Variants in ARHGEF11 observed in about 807,000 individuals in gnomAD.
ARHGEF11 encodes Rho guanine nucleotide exchange factor 11.
In ARHGEF11, 55 loss-of-function variants were observed where a neutral mutation model predicts 193.7. That is an observed-to-expected ratio of 0.28 (90% CI 0.23 to 0.36). ARHGEF11 has a LOEUF of 0.36. Among genes scored for constraint, ARHGEF11 ranks in the 10% least tolerant of loss-of-function variants. ARHGEF11 has a pLI of 1.00. For missense variants in ARHGEF11, 1,723 were observed against 2,005.6 expected, an observed-to-expected ratio of 0.86 and a Z score of 2.69; for synonymous variants, 693 against 768.0, an observed-to-expected ratio of 0.90 and a Z score of 1.62.
rs759037313 is a variant in ARHGEF11 at position 157,044,350 on chromosome 1, G to A, written c.-20C>T. On this transcript the variant is annotated 5_prime_UTR_variant, in exon 1 of 41. Transcript: ENST00000368194. ...ACTCATGGTTTCTCGGTGTCTCCACGGTTCCAGAATCCTGTAGCTTTGGTG... is the reference window on the plus strand; with the variant it reads ...ACTCATGGTTTCTCGGTGTCTCCACAGTTCCAGAATCCTGTAGCTTTGGTG... The A allele has an allele frequency of 3.1e-6, 5 of 1,612,574 alleles. No homozygotes were observed. In the Admixed American group the frequency reaches 5.0e-5, roughly 16 times the overall value.
rs768344920 is a variant in ARHGEF11 at position 156,940,437 on chromosome 1, G to A, written c.3515-12C>T. On this transcript the variant is annotated splice_polypyrimidine_tract_variant and intron_variant, in intron 35 of 40. Transcript: ENST00000368194. Reference sequence around the variant, plus strand: ...CTGGGACCCAGTGCCTGTTTCGGATGAGAGAAGATTGTAAGGCAGGGAAAG... The same window carrying A: ...CTGGGACCCAGTGCCTGTTTCGGATAAGAGAAGATTGTAAGGCAGGGAAAG... The A allele has an allele frequency of 1.3e-6, 2 of 1,591,126 alleles. No homozygotes were observed. Among genetic ancestry groups the A allele is most frequent in the South Asian group, 1.1e-5 (1 of 88,400 alleles).
chr1:156,963,700 C>T (rs1661306025), intron 11 of ARHGEF11, 106 bp from the exon 12 acceptor site: 5 of 1,515,748 alleles, frequency 3.3e-6, no homozygotes, highest in African/African-American at 1.4e-5. Context: ...ACAAAGCCAC[C>T]CGGGTCTGGT....
At chr1:156,947,091 G>C (rs1056405183) in intron 26 of ARHGEF11, 76 bp from the exon 27 acceptor site, 2 of 1,558,426 alleles carry the variant, frequency 1.3e-6, no homozygotes, top group Non-Finnish European at 8.8e-7. Context: ...AGAGAGAAGT[G>C]AATCTCTGAC....
At chr1:156,955,026 G>T in intron 20 of ARHGEF11, 105 bp from the exon 21 acceptor site, 1 of 994,362 alleles carries the variant, frequency 1.0e-6, no homozygotes. Flanking sequence ...AAAGGTAGTG[G>T]CGAAAATCAA....
chr1:157,024,589 G>C (rs1315018857), intron 1 of ARHGEF11, among the ~76,000 whole-genome samples: 1 of 152,156 alleles, frequency 6.6e-6, no homozygotes, highest in Non-Finnish European at 1.5e-5. Context: ...AAACTTGTCT[G>C]CAGGTATAGG....
At chr1:156,973,500 T>G (rs1348774999) in intron 7 of ARHGEF11, among the ~76,000 whole-genome samples, 1 of 152,234 alleles carries the variant, frequency 6.6e-6, no homozygotes, top group African/African-American at 2.4e-5. Context: ...CAGTTTCAAC[T>G]ATCACCTTCA....
chr1:156,940,765 A>C (rs1044249599), intron 35 of ARHGEF11, among the ~76,000 whole-genome samples: 7 of 152,210 alleles, frequency 4.6e-5, no homozygotes, highest in Non-Finnish European at 1.0e-4. Flanking sequence ...TGCTGGCTAC[A>C]GTATTAAACA....
intron 21 of ARHGEF11, among the ~76,000 whole-genome samples, chr1:156,953,686 C>A (rs35535296): frequency 0.21 from 31,806 of 151,942 alleles, 3,541 homozygotes; most frequent in East Asian, 0.4. Flanking sequence ...CTCTCTCTCT[C>A]TCTCTATATA....
At position 156,944,073 on chromosome 1, in the gene ARHGEF11, G is replaced by C; in HGVS notation, c.3097C>G (p.Leu1033Val). ...TCATCCTGTTTCTGTAGCAGCACTA[G>C]GAGGTCCTCCAGCAGCAGCACGTGG... ...DLHVLLLEDL[L>V]VLLQKQDEKL... The change falls in exon 32 of 41, where the codon CTA (leucine) becomes GTA (valine). Residue 1033 changes from leucine (L) to valine (V), a missense_variant. Around this residue, in one of 5 missense-constraint regions of ARHGEF11, gnomAD observed 491 missense variants for 654.5 expected, o/e 0.75. Transcript: ENST00000368194. 1 of 1,614,090 alleles carries C rather than the reference G, an allele frequency of 6.2e-7. No individual in the cohort carries two copies. The highest frequency in any genetic ancestry group is 8.5e-7 in the Non-Finnish European group (1 of 1,179,976).
chr1:156,968,754 T>C (rs1018903205), intron 10 of ARHGEF11, among the ~76,000 whole-genome samples: 3 of 152,240 alleles, frequency 2.0e-5, no homozygotes, highest in African/African-American at 4.8e-5. Context: ...GTTCATAGTT[T>C]ACATGTGCAA....
chr1:156,984,276 T>C (rs1664613800), intron 3 of ARHGEF11, 63 bp downstream of exon 3: 2 of 1,314,488 alleles, frequency 1.5e-6, no homozygotes, highest in Non-Finnish European at 2.1e-6. Context: ...AGAATGGCAC[T>C]GTCACATACA....
intron 1 of ARHGEF11, among the ~76,000 whole-genome samples, chr1:157,029,600 A>T (rs553249914): frequency 6.6e-6 from 1 of 152,180 alleles, no homozygotes; most frequent in Non-Finnish European, 1.5e-5. Flanking sequence ...GCAGTTTGGC[A>T]GTTCCCCAGA....
intron 1 of ARHGEF11, among the ~76,000 whole-genome samples, chr1:157,038,714 G>C (rs867054908): frequency 1.1e-4 from 17 of 152,118 alleles, no homozygotes; most frequent in African/African-American, 3.9e-4. Context: ...CAATAAATTG[G>C]GGTATTCTTC....
chr1:156,938,687 T>C, intron 37 of ARHGEF11, 174 bp from the exon 38 acceptor site: 2 of 530,602 alleles, frequency 3.8e-6, no homozygotes, highest in Non-Finnish European at 6.6e-6. Flanking sequence ...TGCAGAGAAC[T>C]TTCCACCAAT....
intron 7 of ARHGEF11, among the ~76,000 whole-genome samples, chr1:156,972,114 C>G (rs1392760576): frequency 2.0e-5 from 3 of 152,186 alleles, no homozygotes; most frequent in Non-Finnish European, 4.4e-5. Context: ...CCAAATGAGG[C>G]CTTCTTCAGC....
At chr1:157,030,686 TA>T (rs571213421) in intron 1 of ARHGEF11, among the ~76,000 whole-genome samples, 24 of 145,940 alleles carry the variant, frequency 1.6e-4, no homozygotes, top group East Asian at 6.0e-4. Context: ...AGGCACAGAA[TA>T]AAAAAAAAAA....
In ARHGEF11 at chr1:156,960,404, A is replaced by G. The variant is rs1660655986; in HGVS notation, c.1282+14T>C. ...CTACCAAGAAGAGACTTACCGACCA[A>G]TGAGCCAACTTACCAATTTCAGCCT... On this transcript the variant is annotated intron_variant, in intron 15 of 40. Transcript: ENST00000368194. 1 of 1,614,036 alleles carries G rather than the reference A, an allele frequency of 6.2e-7. No homozygotes were observed.
chr1:157,001,931 G>A (rs1180644840), intron 1 of ARHGEF11, among the ~76,000 whole-genome samples: 11 of 152,146 alleles, frequency 7.2e-5, no homozygotes, highest in Admixed American at 1.3e-4. Context: ...CACAATTCAC[G>A]CAGCACAGTT....
chr1:157,045,706 G>C lies in ARHGEF11; in HGVS notation c.-1376C>G, dbSNP rs1366161757. On this transcript the variant is annotated 5_prime_UTR_variant, in exon 1 of 41. Coordinates refer to ENST00000368194, the MANE Select transcript of ARHGEF11 (RefSeq NM_198236.3). ...GGCTCGGCGCACAGGGAAGGCTGCG[G>C]CGGCTGCGGCAGGCCGGCACGAGCG... Among the ~76,000 whole-genome samples the C allele has an allele frequency of 6.7e-6, 1 of 150,120 alleles. No homozygotes were observed. Among genetic ancestry groups the C allele is most frequent in the Non-Finnish European group, 1.5e-5 (1 of 67,188 alleles).
Sources: gnomAD v4.1 joint callset for allele counts (sites outside exome capture counted in the v4.1 genomes callset) on GRCh38, gnomAD v4.1.1 for gene constraint, gnomAD v4.1.1 regional missense constraint, MANE v1.5 for transcripts, NCBI Gene and HGNC (gene_info 2026-07-23, HGNC 2026-07-21) for gene names.